CTNND2: variants seen among roughly 807,000 people sequenced by gnomAD.
CTNND2 encodes the protein catenin delta-2.
CTNND2 carries 22 observed loss-of-function variants against 144.4 expected under a neutral mutation model. The ratio of observed to expected loss-of-function variants is 0.15; its 90% CI spans 0.11 to 0.22. The LOEUF (loss-of-function observed/expected upper bound fraction) is 0.22, where lower values mean the gene tolerates loss of function less well. Ranked by LOEUF, CTNND2 falls within the 10% of genes least tolerant of loss-of-function variation. The pLI, the probability that CTNND2 is intolerant of heterozygous loss-of-function variation, is 1.00. For synonymous variants in CTNND2, 751 were observed against 695.6 expected, an observed-to-expected ratio of 1.08 and a Z score of -1.25; for missense variants, 1,353 against 1,618.8, an observed-to-expected ratio of 0.84 and a Z score of 2.82.
intron 3 of CTNND2, among the ~76,000 whole-genome samples, chr5:11,412,666 T>C (rs1241509358): frequency 6.6e-6 from 1 of 152,166 alleles, no homozygotes; most frequent in Admixed American, 6.5e-5. Flanking sequence ...CCAAAGATAC[T>C]GTATAGAGTG....
intron 9 of CTNND2, among the ~76,000 whole-genome samples, chr5:11,302,163 A>G (rs781590866): frequency 1.7e-4 from 26 of 152,240 alleles, no homozygotes; most frequent in Non-Finnish European, 3.5e-4. Context: ...TTTGAATACA[A>G]TTCTTCCCCT....
intron 9 of CTNND2, among the ~76,000 whole-genome samples, chr5:11,330,636 C>T (rs977222502): frequency 1.3e-5 from 2 of 151,522 alleles, no homozygotes; most frequent in African/African-American, 4.9e-5. Context: ...CCAGCCTGAC[C>T]AACATGATGA....
Position 11,102,970 on chromosome 5 carries a change from A to ATTTTTTTTTTTT in CTNND2, c.2464-4234_2464-4223dup, listed in dbSNP as rs778134907. Among the ~76,000 whole-genome samples the ATTTTTTTTTTTT allele has an allele frequency of 2.0e-3, 165 of 84,092 alleles. 4 individuals are homozygous for ATTTTTTTTTTTT. Among genetic ancestry groups the ATTTTTTTTTTTT allele is most frequent in the Non-Finnish European group, 2.8e-3 (129 of 46,212 alleles). 55.2% of individuals were successfully genotyped at this position (84,092 alleles called of 152,430 possible). On this transcript the variant is annotated intron_variant, in intron 14 of 21. Transcript: ENST00000304623. ...GCAGGGCTTAAATTCTATTTAAAAG[A>ATTTTTTTTTTTT]TTTTTTTTTTTTTTTTTTTTTTTTT...
chr5:11,602,211 C>T (rs928185007), intron 2 of CTNND2, among the ~76,000 whole-genome samples: 6 of 151,934 alleles, frequency 3.9e-5, no homozygotes, highest in African/African-American at 1.5e-4. Context: ...TGGCTCATAA[C>T]AATGCAGTAG....
intron 10 of CTNND2, among the ~76,000 whole-genome samples, chr5:11,235,892 T>TA (rs1323848435): frequency 6.6e-6 from 1 of 152,230 alleles, no homozygotes; most frequent in Non-Finnish European, 1.5e-5. Flanking sequence ...TTTCCACTCT[T>TA]AAACTAATTT....
rs538803851 is a variant in CTNND2, at chr5:10,997,164, T to A, written c.3085-4487A>T. Among the ~76,000 whole-genome samples the A allele has an allele frequency of 1.6e-3, 244 of 152,226 alleles. 3 individuals carry two copies. Among genetic ancestry groups the A allele is most frequent in the African/African-American group, 5.7e-3 (238 of 41,534 alleles). On this transcript the variant is annotated intron_variant, in intron 18 of 21. Coordinates refer to ENST00000304623, the MANE Select transcript of CTNND2 (RefSeq NM_001332.4). ...CAGGAGAAAATGTCTCCACTGGAGTTCTGTGGGGTTCTCTGAAATCCTCCG... is the reference window on the plus strand; with the variant it reads ...CAGGAGAAAATGTCTCCACTGGAGTACTGTGGGGTTCTCTGAAATCCTCCG...
At chr5:11,188,337 G>T (rs2149810902) in intron 11 of CTNND2, among the ~76,000 whole-genome samples, 1 of 152,240 alleles carries the variant, frequency 6.6e-6, no homozygotes, top group African/African-American at 2.4e-5. Context: ...ACTATCCTCA[G>T]CAAACTAACA....
At chr5:11,521,121 A>G (rs1377013211) in intron 3 of CTNND2, among the ~76,000 whole-genome samples, 1 of 152,242 alleles carries the variant, frequency 6.6e-6, no homozygotes, top group Non-Finnish European at 1.5e-5. Context: ...TATAATAAAC[A>G]TTCATATCAA....
intron 1 of CTNND2, among the ~76,000 whole-genome samples, chr5:11,771,211 G>GTTTTTTT (rs1302426806): frequency 7.2e-5 from 9 of 125,312 alleles, no homozygotes; most frequent in African/African-American, 2.7e-4. Context: ...TTTTTTTTTG[G>GTTTTTTT]GATGGAGTCT....
intron 6 of CTNND2, among the ~76,000 whole-genome samples, chr5:11,392,477 G>GC (rs1759721690): frequency 6.6e-6 from 1 of 152,194 alleles, no homozygotes; most frequent in South Asian, 2.1e-4. Flanking sequence ...CTTTATTTCA[G>GC]CAAGAGGCTC....
At position 11,663,920 on chromosome 5, in the gene CTNND2, G is replaced by C. The variant is rs1783413429; in HGVS notation, c.174+68216C>G. Among the ~76,000 whole-genome samples, 3 of 152,024 alleles carry C rather than the reference G, an allele frequency of 2.0e-5. No individual in the cohort carries two copies. The South Asian group carries it at 6.2e-4, about 32-fold the overall frequency. On this transcript the variant is annotated intron_variant, in intron 2 of 21. Transcript: ENST00000304623. ...AATTAAATTTAATGATACTAAAAGG[G>C]ATCTGATTGGCAACACTCCAAATTA...
chr5:11,602,752 T>C (rs1779866617), intron 2 of CTNND2, among the ~76,000 whole-genome samples: 1 of 145,328 alleles, frequency 6.9e-6, no homozygotes, highest in African/African-American at 2.5e-5. Context: ...TTATATATAA[T>C]AGATATATTA....
intron 2 of CTNND2, among the ~76,000 whole-genome samples, chr5:11,627,492 A>G (rs1009091425): frequency 2.6e-5 from 4 of 152,178 alleles, no homozygotes; most frequent in African/African-American, 7.2e-5. Context: ...AGGCATCAAT[A>G]GATATTTGAT....
intron 1 of CTNND2, among the ~76,000 whole-genome samples, chr5:11,859,511 T>C (rs1382913333): frequency 2.0e-5 from 3 of 151,824 alleles, no homozygotes; most frequent in Non-Finnish European, 2.9e-5. Context: ...CTGGACCCCC[T>C]ATATGTCTAC....
At chr5:11,327,986 G>A (rs1038477086) in intron 9 of CTNND2, among the ~76,000 whole-genome samples, 30 of 152,102 alleles carry the variant, frequency 2.0e-4, no homozygotes, top group African/African-American at 6.8e-4. Flanking sequence ...TTCAAGATGT[G>A]GTAGGCTAGA....
chr5:11,731,136 T>C (rs1787365629), intron 2 of CTNND2, among the ~76,000 whole-genome samples: 1 of 152,218 alleles, frequency 6.6e-6, no homozygotes, highest in South Asian at 2.1e-4. Context: ...CAACTCTCCC[T>C]TGAGTACCTA....
At chr5:11,842,575 C>T (rs960378941) in intron 1 of CTNND2, among the ~76,000 whole-genome samples, 7 of 151,734 alleles carry the variant, frequency 4.6e-5, no homozygotes, top group African/African-American at 4.8e-5. Flanking sequence ...AAAAATTAGC[C>T]GGGCACGGTG....
At chr5:11,505,197 T>TAA (rs5865951) in intron 3 of CTNND2, among the ~76,000 whole-genome samples, 2 of 144,956 alleles carry the variant, frequency 1.4e-5, no homozygotes, top group South Asian at 2.2e-4. Context: ...GAGGAATCAT[T>TAA]AAAAAAAAAA....
intron 1 of CTNND2, among the ~76,000 whole-genome samples, chr5:11,775,637 C>A (rs1230060953): frequency 2.0e-5 from 3 of 152,286 alleles, no homozygotes; most frequent in South Asian, 2.1e-4. Flanking sequence ...GGGAGGACTG[C>A]GGTTGCTCGT....
Sources: gnomAD v4.1 joint callset for allele counts (sites outside exome capture counted in the v4.1 genomes callset) on GRCh38, gnomAD v4.1.1 for gene constraint, MANE v1.5 for transcripts, NCBI Gene and HGNC (gene_info 2026-07-23, HGNC 2026-07-21) for gene names.